Variants in GALNTL6 observed in about 807,000 individuals in gnomAD.
GALNTL6 encodes the protein polypeptide N-acetylgalactosaminyltransferase like 6, also known as polypeptide N-acetylgalactosaminyltransferase-like 6.
GALNTL6 carries 46 observed loss-of-function variants against 73.7 expected under a neutral mutation model. That is an observed-to-expected ratio of 0.62 (90% CI 0.49 to 0.80). The LOEUF is 0.80. GALNTL6 is among the 30% of genes least tolerant of loss of function. The probability of loss-of-function intolerance (pLI) is 0.00; values close to 1 mark genes in which losing one functional copy is unlikely to be tolerated. For missense variants in GALNTL6, 604 were observed against 755.0 expected, an observed-to-expected ratio of 0.80 and a Z score of 2.34; for synonymous variants, 259 against 263.7, an observed-to-expected ratio of 0.98 and a Z score of 0.17.
chr4:171,835,179 T>G (rs563696190), intron 2 of GALNTL6, among the ~76,000 whole-genome samples: 2 of 152,168 alleles, frequency 1.3e-5, no homozygotes, highest in South Asian at 4.1e-4. Context: ...TCTATGGCTT[T>G]CTATTTTTAT....
At chr4:173,015,009 G>A (rs1380327531) in intron 11 of GALNTL6, among the ~76,000 whole-genome samples, 1 of 152,266 alleles carries the variant, frequency 6.6e-6, no homozygotes, top group Non-Finnish European at 1.5e-5. Flanking sequence ...TCCTGATAGT[G>A]ACTGAGTTCT....
chr4:172,603,522 T>C (rs906623159), intron 5 of GALNTL6, among the ~76,000 whole-genome samples: 2 of 152,058 alleles, frequency 1.3e-5, no homozygotes, highest in South Asian at 4.1e-4. Flanking sequence ...ATATCACAAA[T>C]AAATAAGCAA....
chr4:172,413,183 C>A (rs945369138), intron 5 of GALNTL6, among the ~76,000 whole-genome samples: 8 of 152,172 alleles, frequency 5.3e-5, no homozygotes, highest in African/African-American at 1.4e-4. Flanking sequence ...TCACATGGGA[C>A]TGGGTTTCTG....
chr4:172,968,856 A>G (rs1447322648), intron 10 of GALNTL6, among the ~76,000 whole-genome samples: 1 of 152,178 alleles, frequency 6.6e-6, no homozygotes, highest in Non-Finnish European at 1.5e-5. Context: ...GTCCAAGAAA[A>G]TTATCTCATT....
At chr4:172,132,128 C>T (rs1733515007) in intron 2 of GALNTL6, among the ~76,000 whole-genome samples, 1 of 151,874 alleles carries the variant, frequency 6.6e-6, no homozygotes. Context: ...ATTAACTCAG[C>T]CCATCTGGTT....
At position 172,795,779 on chromosome 4, in the gene GALNTL6, C is replaced by T. The variant is rs78122582; in HGVS notation, c.554-13582C>T. Among the ~76,000 whole-genome samples, 1,215 of 152,098 alleles carry T rather than the reference C, an allele frequency of 8.0e-3. 16 individuals are homozygous for T. Among genetic ancestry groups the T allele is most frequent in the African/African-American group, 0.028 (1,151 of 41,506 alleles). ...GCATAGGCTCATACACTATGATGCACTACTTTTACCTCCAGGAGTATCTCC... is the reference window on the plus strand; with the variant it reads ...GCATAGGCTCATACACTATGATGCATTACTTTTACCTCCAGGAGTATCTCC... On this transcript the variant is annotated intron_variant, in intron 5 of 12. Coordinates refer to ENST00000506823, the MANE Select transcript of GALNTL6 (RefSeq NM_001034845.3).
intron 2 of GALNTL6, among the ~76,000 whole-genome samples, chr4:171,959,134 C>A (rs1281404476): frequency 1.3e-5 from 2 of 152,098 alleles, no homozygotes; most frequent in Non-Finnish European, 2.9e-5. Context: ...TAGTTGACGG[C>A]TTGTTACGTT....
chr4:171,912,831 A>G (rs2110964962), intron 2 of GALNTL6, among the ~76,000 whole-genome samples: 1 of 152,306 alleles, frequency 6.6e-6, no homozygotes, highest in East Asian at 1.9e-4. Context: ...TCCTTCACTT[A>G]ACATAATGAT....
intron 5 of GALNTL6, among the ~76,000 whole-genome samples, chr4:172,486,767 GA>G (rs1159271281): frequency 6.6e-6 from 1 of 152,138 alleles, no homozygotes. Context: ...AGAACCTGCT[GA>G]AATGCTCTTA....
At chr4:172,848,205 C>G (rs912821342) in intron 7 of GALNTL6, among the ~76,000 whole-genome samples, 1 of 152,162 alleles carries the variant, frequency 6.6e-6, no homozygotes, top group African/African-American at 2.4e-5. Context: ...AAACCTGCTC[C>G]TCTTCCAGAA....
intron 2 of GALNTL6, among the ~76,000 whole-genome samples, chr4:172,207,283 T>G (rs1381331595): frequency 6.6e-6 from 1 of 152,074 alleles, no homozygotes; most frequent in East Asian, 1.9e-4. Flanking sequence ...CTGAGTTATG[T>G]TTTAAAAAGC....
At chr4:171,817,585 C>T (rs1023915453) in intron 2 of GALNTL6, among the ~76,000 whole-genome samples, 1 of 151,596 alleles carries the variant, frequency 6.6e-6, no homozygotes, top group Non-Finnish European at 1.5e-5. Flanking sequence ...TTTCTCTAAT[C>T]TACTGTCTGA....
At chr4:172,455,442 A>G (rs1732360349) in intron 5 of GALNTL6, among the ~76,000 whole-genome samples, 1 of 152,164 alleles carries the variant, frequency 6.6e-6, no homozygotes, top group African/African-American at 2.4e-5. Flanking sequence ...GGAGCCCAGC[A>G]AGCTAAGATC....
chr4:172,980,915 T>A (rs1751036098), intron 10 of GALNTL6, among the ~76,000 whole-genome samples: 1 of 152,226 alleles, frequency 6.6e-6, no homozygotes. Context: ...AATTTGACTG[T>A]TTCAGGTACC....
chr4:171,948,990 C>G (rs1017589567), intron 2 of GALNTL6, among the ~76,000 whole-genome samples: 6 of 151,716 alleles, frequency 4.0e-5, no homozygotes, highest in African/African-American at 1.2e-4. Context: ...CACACACAGA[C>G]ATACACACAC....
intron 7 of GALNTL6, among the ~76,000 whole-genome samples, chr4:172,840,662 T>A (rs1743158066): frequency 6.6e-6 from 1 of 152,216 alleles, no homozygotes; most frequent in South Asian, 2.1e-4. Context: ...AGTAGCACCA[T>A]GTATACAGAA....
At chr4:172,621,733 AG>A (rs1738967210) in intron 5 of GALNTL6, among the ~76,000 whole-genome samples, 1 of 152,220 alleles carries the variant, frequency 6.6e-6, no homozygotes. Context: ...AGATTAATAT[AG>A]GAATCCTAGG....
At chr4:172,739,528 A>G (rs1427267750) in intron 5 of GALNTL6, among the ~76,000 whole-genome samples, 1 of 152,202 alleles carries the variant, frequency 6.6e-6, no homozygotes, top group Non-Finnish European at 1.5e-5. Flanking sequence ...CCTTAAAATT[A>G]GAAAATTTGG....
At chr4:172,568,818 C>T (rs1246659517) in intron 5 of GALNTL6, among the ~76,000 whole-genome samples, 2 of 150,282 alleles carry the variant, frequency 1.3e-5, no homozygotes, top group African/African-American at 4.9e-5. Flanking sequence ...TTGTCCAACC[C>T]ATGACCTGTG....
Sources: allele counts gnomAD v4.1 joint callset (sites outside exome capture counted in the v4.1 genomes callset), GRCh38; gene constraint gnomAD v4.1.1; transcripts MANE v1.5; gene names NCBI Gene and HGNC (gene_info 2026-07-23, HGNC 2026-07-21).